The following SNTB1 variants were observed in gnomAD, a reference collection of about 807,000 sequenced individuals.
SNTB1 encodes beta-1-syntrophin.
A neutral mutation model predicts 48.9 loss-of-function variants in SNTB1; 36 were observed. The observed-to-expected ratio is 0.74, with a 90% CI of 0.56 to 0.97. The LOEUF (loss-of-function observed/expected upper bound fraction) is 0.97, where lower values mean the gene tolerates loss of function less well. SNTB1 is among the 50% of genes least tolerant of loss of function. The pLI is 0.00. For missense variants in SNTB1, 786 were observed against 703.4 expected (o/e 1.12, Z -1.33); for synonymous variants, 299 against 294.6 (o/e 1.01, Z -0.15).
At chr8:120,612,137 G>A (rs750948183) in intron 3 of SNTB1, among the ~76,000 whole-genome samples, 3 of 152,190 alleles carry the variant, frequency 2.0e-5, no homozygotes, top group Non-Finnish European at 4.4e-5. Context: ...GAAAGCCATC[G>A]TGTTTAACTG....
At chr8:120,682,943 G>A (rs1253536642) in intron 2 of SNTB1, among the ~76,000 whole-genome samples, 4 of 147,968 alleles carry the variant, frequency 2.7e-5, no homozygotes, top group Non-Finnish European at 5.9e-5. Flanking sequence ...CTGCAGTGGC[G>A]CTATCTCGGC....
At chr8:120,547,071 T>C (rs1183162270) in intron 5 of SNTB1, among the ~76,000 whole-genome samples, 1 of 152,194 alleles carries the variant, frequency 6.6e-6, no homozygotes, top group Non-Finnish European at 1.5e-5. Flanking sequence ...GCAAGTTATT[T>C]GACCTTTTTT....
chr8:120,793,361 G>A (rs898771366), intron 1 of SNTB1, among the ~76,000 whole-genome samples: 1 of 152,062 alleles, frequency 6.6e-6, no homozygotes, highest in Non-Finnish European at 1.5e-5. Context: ...TACTGTTATC[G>A]CCTTCAAAAG....
rs1302136409 is a variant in SNTB1, at chr8:120,538,916, G to T, written c.1578C>A (p.Phe526Leu). The T allele has an allele frequency of 1.9e-6, 3 of 1,613,790 alleles. No individual in the cohort carries two copies. The highest frequency in any genetic ancestry group is 2.5e-6 in the Non-Finnish European group (3 of 1,179,806). ...PKPIVFIIHSFLSAKITRLGL... is the reference protein window; with the variant it reads ...PKPIVFIIHSLLSAKITRLGL... ...CCAGTCTTGTAATCTTAGCTGACAG[G>T]AAGGAATGAATGATGAAAACAATTG... Residue 526 changes from phenylalanine to leucine, a missense_variant, in exon 7 of 7, where the codon TTC becomes TTA. Coordinates refer to ENST00000517992, the MANE Select transcript of SNTB1 (RefSeq NM_021021.4).
chr8:120,616,419 C>T (rs1377828467), intron 3 of SNTB1, among the ~76,000 whole-genome samples: 1 of 151,394 alleles, frequency 6.6e-6, no homozygotes, highest in African/African-American at 2.4e-5. Context: ...CCTGCCTCAG[C>T]CTTCCCAGTA....
chr8:120,576,531 T>G (rs893628072), intron 3 of SNTB1, among the ~76,000 whole-genome samples: 1 of 152,206 alleles, frequency 6.6e-6, no homozygotes, highest in African/African-American at 2.4e-5. Flanking sequence ...AGGTCCTACA[T>G]GTAGGCTGCC....
At chr8:120,708,601 C>G (rs574249013) in intron 1 of SNTB1, among the ~76,000 whole-genome samples, 2 of 152,086 alleles carry the variant, frequency 1.3e-5, no homozygotes, top group African/African-American at 4.8e-5. Context: ...ATATAGAAGA[C>G]AGTAGTACAG....
intron 4 of SNTB1, among the ~76,000 whole-genome samples, chr8:120,573,561 T>G (rs972058477): frequency 1.2e-4 from 19 of 152,126 alleles, no homozygotes; most frequent in African/African-American, 4.3e-4. Context: ...TTTATTTATT[T>G]TTGCTTTTGT....
intron 1 of SNTB1, among the ~76,000 whole-genome samples, chr8:120,709,004 A>G (rs186230486): frequency 3.9e-4 from 59 of 151,654 alleles, no homozygotes; most frequent in Admixed American, 3.6e-3. Flanking sequence ...AAGCAATTCA[A>G]TGTATAAGGA....
At chr8:120,755,674 A>T (rs1772287278) in intron 1 of SNTB1, among the ~76,000 whole-genome samples, 1 of 152,174 alleles carries the variant, frequency 6.6e-6, no homozygotes, top group African/African-American at 2.4e-5. Flanking sequence ...TGGTGGTGGT[A>T]GTGATACCAG....
At chr8:120,743,885 T>C (rs894528757) in intron 1 of SNTB1, among the ~76,000 whole-genome samples, 1 of 152,200 alleles carries the variant, frequency 6.6e-6, no homozygotes, top group African/African-American at 2.4e-5. Context: ...TCCTAACAGT[T>C]TGGGAAGACA....
intron 3 of SNTB1, among the ~76,000 whole-genome samples, chr8:120,589,600 A>G (rs1277203047): frequency 2.0e-5 from 3 of 152,184 alleles, no homozygotes; most frequent in Admixed American, 1.3e-4. Flanking sequence ...AGGGACTGGG[A>G]GACCTGCTGT....
At chr8:120,720,917 T>C (rs1818649143) in intron 1 of SNTB1, among the ~76,000 whole-genome samples, 2 of 152,192 alleles carry the variant, frequency 1.3e-5, no homozygotes, top group South Asian at 4.1e-4. Flanking sequence ...GAGCCTTCTA[T>C]ATACTATGCT....
At chr8:120,548,497 G>C (rs1190963226) in intron 5 of SNTB1, among the ~76,000 whole-genome samples, 2 of 152,148 alleles carry the variant, frequency 1.3e-5, no homozygotes, top group Non-Finnish European at 2.9e-5. Flanking sequence ...AAGCCACCCA[G>C]AGGTTACAGG....
At chr8:120,766,787 A>C (rs774250981) in intron 1 of SNTB1, among the ~76,000 whole-genome samples, 1 of 152,216 alleles carries the variant, frequency 6.6e-6, no homozygotes, top group Admixed American at 6.5e-5. Context: ...TTTATGTTTT[A>C]ATAGAAAAAT....
At chr8:120,609,277 G>A (rs535879344) in intron 3 of SNTB1, among the ~76,000 whole-genome samples, 5 of 152,352 alleles carry the variant, frequency 3.3e-5, no homozygotes, top group Admixed American at 2.0e-4. Context: ...AGAGTTCAGT[G>A]TGGAATTGCC....
In SNTB1 at chr8:120,767,316, TG is replaced by T. The variant is rs1325363760; in HGVS notation, c.571+43956del. Reference sequence around the variant, plus strand: ...CAAGGAAAGCTGAATGATGATTCTCTGGGGACCCCTGCATTGGGTGGGAAGC... The same window carrying T: ...CAAGGAAAGCTGAATGATGATTCTCTGGGACCCCTGCATTGGGTGGGAAGC... On this transcript the variant is annotated intron_variant, in intron 1 of 6. Coordinates refer to ENST00000517992, the MANE Select transcript of SNTB1 (RefSeq NM_021021.4). 3.9e-5 allele frequency among the ~76,000 whole-genome samples: 6 copies of T among 152,342 alleles called. No homozygotes were observed. The East Asian group carries it at 1.2e-3, about 29-fold the overall frequency.
chr8:120,613,772 T>C (rs1189875466), intron 3 of SNTB1, among the ~76,000 whole-genome samples: 1 of 152,220 alleles, frequency 6.6e-6, no homozygotes, highest in Non-Finnish European at 1.5e-5. Context: ...GAGATTGATT[T>C]AGGATTCACT....
intron 2 of SNTB1, chr8:120,635,704 T>C (rs1817063842): frequency 5.5e-6 from 1 of 180,698 alleles, no homozygotes. Context: ...GCCTCAGCAA[T>C]GTGATGTCTC....
Sources: gnomAD v4.1 joint callset for allele counts (sites outside exome capture counted in the v4.1 genomes callset) on GRCh38, gnomAD v4.1.1 for gene constraint, MANE v1.5 for transcripts, NCBI Gene and HGNC (gene_info 2026-07-23, HGNC 2026-07-21) for gene names.